Variants in AGFG1 observed in about 807,000 individuals in gnomAD.
AGFG1 encodes arf-GAP domain and FG repeat-containing protein 1.
AGFG1 carries 10 observed loss-of-function variants against 60.6 expected under a neutral mutation model. The observed-to-expected ratio is 0.16, with a 90% CI of 0.10 to 0.28. The LOEUF is 0.28. Ranked by LOEUF, AGFG1 falls within the 10% of genes least tolerant of loss-of-function variation. The pLI is 1.00. For synonymous variants in AGFG1, 247 were observed against 242.9 expected (o/e 1.02, Z -0.16); for missense variants, 537 against 676.5 (o/e 0.79, Z 2.29).
At chr2:227,501,755 T>C (rs1228063508) in intron 2 of AGFG1, among the ~76,000 whole-genome samples, 1 of 152,184 alleles carries the variant, frequency 6.6e-6, no homozygotes, top group Admixed American at 6.5e-5. Context: ...GGCCCATTTT[T>C]TTATTTTTAG....
In AGFG1 at chr2:227,537,079, G is replaced by T. The variant is rs142097324; in HGVS notation, c.1378+86G>T. ...CATGTGAAGAACACCAGAAAATGGG[G>T]CCTCTTTCTTAGTGAAGTGAATGGC... On this transcript the variant is annotated intron_variant, in intron 10 of 12. Coordinates refer to ENST00000310078, the MANE Select transcript of AGFG1 (RefSeq NM_004504.5). The T allele has an allele frequency of 6.0e-6, 7 of 1,165,112 alleles. No homozygotes were observed. In the Admixed American group the frequency reaches 6.1e-5, roughly 10 times the overall value. The allele number at this position is 1,165,112 out of a possible 1,614,324, so 72.2% of individuals were successfully genotyped here.
At chr2:227,485,732 C>T (rs924421114) in intron 1 of AGFG1, among the ~76,000 whole-genome samples, 1 of 152,144 alleles carries the variant, frequency 6.6e-6, no homozygotes, top group Non-Finnish European at 1.5e-5. Flanking sequence ...TTAATTTCCA[C>T]ATTTATAATT....
chr2:227,552,869 C>T (rs1047651675), intron 11 of AGFG1, among the ~76,000 whole-genome samples: 2 of 151,794 alleles, frequency 1.3e-5, no homozygotes, highest in Non-Finnish European at 2.9e-5. Context: ...GGCGTGGTGG[C>T]ACATGCCTGT....
At chr2:227,544,597 C>T (rs544270761) in intron 10 of AGFG1, among the ~76,000 whole-genome samples, 15 of 152,058 alleles carry the variant, frequency 9.9e-5, no homozygotes, top group Non-Finnish European at 1.8e-4. Context: ...TGACTGGTAC[C>T]GGTTGTTCTT....
chr2:227,534,351 G>A (rs998159306), intron 7 of AGFG1, among the ~76,000 whole-genome samples: 2 of 152,114 alleles, frequency 1.3e-5, no homozygotes, highest in Admixed American at 6.6e-5. Context: ...ATGGAGTTGT[G>A]TTCTAAGTAT....
intron 10 of AGFG1, among the ~76,000 whole-genome samples, chr2:227,540,081 C>T (rs1187695438): frequency 6.6e-6 from 1 of 152,118 alleles, no homozygotes; most frequent in Non-Finnish European, 1.5e-5. Context: ...AATGATCTGC[C>T]TGCCTCGGCC....
rs1691899037 is a variant in AGFG1 at position 227,523,942 on chromosome 2, TC to T, written c.540+18del. ...CCTAGTCAGGTGAGTAGTCTTTGAA[TC>T]TTTGTAGGGAATTCGACTTAAAGAG... is the stretch of plus-strand genomic sequence containing the variant. On this transcript the variant is annotated intron_variant, in intron 4 of 12. Coordinates refer to ENST00000310078, the MANE Select transcript of AGFG1 (RefSeq NM_004504.5). 6.3e-6 allele frequency: 10 copies of T among 1,599,368 alleles called. No homozygotes were observed. Among genetic ancestry groups the T allele is most frequent in the Non-Finnish European group, 8.6e-6 (10 of 1,169,256 alleles).
intron 2 of AGFG1, among the ~76,000 whole-genome samples, chr2:227,502,632 T>G (rs911130732): frequency 6.6e-6 from 1 of 152,214 alleles, no homozygotes; most frequent in African/African-American, 2.4e-5. Context: ...TCATTTATTT[T>G]CTTTTTGATA....
At chr2:227,505,556 G>A (rs988543983) in intron 2 of AGFG1, among the ~76,000 whole-genome samples, 1 of 151,806 alleles carries the variant, frequency 6.6e-6, no homozygotes, top group African/African-American at 2.4e-5. Flanking sequence ...CTTATCCTAA[G>A]CTCACTCTTC....
At chr2:227,537,732 C>G (rs890669672) in intron 10 of AGFG1, among the ~76,000 whole-genome samples, 15 of 152,116 alleles carry the variant, frequency 9.9e-5, no homozygotes, top group Admixed American at 9.8e-4. Flanking sequence ...TCCATTAAAT[C>G]TAGAGTTTGT....
intron 2 of AGFG1, among the ~76,000 whole-genome samples, chr2:227,515,076 A>G (rs1271479709): frequency 2.6e-5 from 4 of 152,002 alleles, no homozygotes; most frequent in Non-Finnish European, 1.5e-5. Flanking sequence ...ATGCACCACC[A>G]TGCTCAGTGA....
intron 1 of AGFG1, among the ~76,000 whole-genome samples, chr2:227,480,257 C>T (rs543634136): frequency 1.3e-5 from 2 of 152,112 alleles, no homozygotes; most frequent in Admixed American, 1.3e-4. Context: ...AGAGGTAATA[C>T]ATTTATTTTT....
chr2:227,508,137 A>G (rs917569636), intron 2 of AGFG1: 1 of 152,356 alleles, frequency 6.6e-6, no homozygotes, highest in African/African-American at 2.4e-5. Context: ...GCTTGTTTTG[A>G]ATTTGTGCTA....
chr2:227,530,161 G>GTACTTTTTGAAA, intron 5 of AGFG1, among the ~76,000 whole-genome samples: 1 of 152,196 alleles, frequency 6.6e-6, no homozygotes, highest in East Asian at 1.9e-4. Context: ...TGACTCCTTT[G>GTACTTTTTGAAA]TACTTTTTGA....
chr2:227,523,894 C>T lies in AGFG1; in HGVS notation c.509C>T (p.Thr170Ile). The T allele has an allele frequency of 6.2e-7, 1 of 1,613,840 alleles. No homozygotes were observed. The highest frequency in any genetic ancestry group is 8.5e-7 in the Non-Finnish European group (1 of 1,179,904). ...TCTCTTTTAGGGGATTCTGCACCAA[C>T]ACTGCACTTAAATAAGGGCACACCT... is the stretch of plus-strand genomic sequence containing the variant. Reference protein sequence around the residue: ...LKSLLGDSAPTLHLNKGTPSQ... With the variant: ...LKSLLGDSAPILHLNKGTPSQ... The change falls in exon 4 of 13, where the codon ACA becomes ATA. Residue 170 changes from threonine to isoleucine, a missense_variant. Thr to Ile is a moderately conservative substitution (Grantham distance 89, BLOSUM62 -1). This residue lies in a region of AGFG1 where 102 missense variants were observed against 82.9 expected (regional missense o/e 1.23). Coordinates refer to ENST00000310078, the MANE Select transcript of AGFG1 (RefSeq NM_004504.5).
chr2:227,476,150 G>A (rs1319616946), intron 1 of AGFG1, among the ~76,000 whole-genome samples: 2 of 152,016 alleles, frequency 1.3e-5, no homozygotes, highest in Admixed American at 1.3e-4. Context: ...ACTTTAAAAT[G>A]AACTTCAGAG....
chr2:227,538,577 C>T (rs1692381891), intron 10 of AGFG1, among the ~76,000 whole-genome samples: 2 of 152,190 alleles, frequency 1.3e-5, no homozygotes, highest in South Asian at 4.1e-4. Context: ...CATGTTGTCC[C>T]TCTCTATAGA....
chr2:227,544,586 G>A (rs1216409615), intron 10 of AGFG1, among the ~76,000 whole-genome samples: 1 of 152,182 alleles, frequency 6.6e-6, no homozygotes, highest in East Asian at 1.9e-4. Flanking sequence ...TGTTTTTGCA[G>A]TGACTGGTAC....
chr2:227,514,635 G>A (rs1164007025), intron 2 of AGFG1, among the ~76,000 whole-genome samples: 2 of 152,144 alleles, frequency 1.3e-5, no homozygotes, highest in Admixed American at 1.3e-4. Flanking sequence ...AAGTCAAATA[G>A]CAGCATACAG....
Sources: gnomAD v4.1 joint callset for allele counts (sites outside exome capture counted in the v4.1 genomes callset) on GRCh38, gnomAD v4.1.1 for gene constraint, gnomAD v4.1.1 regional missense constraint, MANE v1.5 for transcripts, NCBI Gene and HGNC (gene_info 2026-07-23, HGNC 2026-07-21) for gene names.